The following KHDRBS2 variants were observed in gnomAD, a reference collection of about 807,000 sequenced individuals.
KHDRBS2 encodes the protein KH RNA binding domain containing, signal transduction associated 2.
Under a neutral mutation model 44.3 loss-of-function variants are expected in KHDRBS2, and 26 were observed. The observed-to-expected ratio is 0.59, with a 90% CI of 0.43 to 0.81. The LOEUF (loss-of-function observed/expected upper bound fraction) is 0.81, where lower values mean the gene tolerates loss of function less well. KHDRBS2 is among the 40% of genes least tolerant of loss of function. The pLI, the probability that KHDRBS2 is intolerant of heterozygous loss-of-function variation, is 0.00. For synonymous variants in KHDRBS2, 194 were observed against 151.1 expected (o/e 1.28, Z -2.08); for missense variants, 476 against 433.1 (o/e 1.10, Z -0.88).
intron 2 of KHDRBS2, among the ~76,000 whole-genome samples, chr6:62,062,803 A>T (rs1792332734): frequency 6.7e-6 from 1 of 148,226 alleles, no homozygotes; most frequent in Non-Finnish European, 1.5e-5. Flanking sequence ...GGAAATAGAG[A>T]CACAAAAAAC....
At chr6:61,951,105 T>C in intron 4 of KHDRBS2, among the ~76,000 whole-genome samples, 1 of 152,068 alleles carries the variant, frequency 6.6e-6, no homozygotes, top group East Asian at 1.9e-4. Context: ...TATGGTTCTA[T>C]AAATACTTTC....
intron 3 of KHDRBS2, among the ~76,000 whole-genome samples, chr6:62,020,190 C>T (rs1781994849): frequency 1.3e-5 from 2 of 151,830 alleles, no homozygotes. Context: ...TAGAAGTGTA[C>T]TATTTAATTG....
chr6:61,996,908 G>A (rs1168180588), intron 3 of KHDRBS2, among the ~76,000 whole-genome samples: 2 of 151,104 alleles, frequency 1.3e-5, no homozygotes, highest in Non-Finnish European at 2.9e-5. Flanking sequence ...TCAGCCTCTG[G>A]AGTAGCTGTG....
chr6:61,901,149 T>C (rs1435251103), intron 5 of KHDRBS2, 95 bp downstream of exon 5: 1 of 1,158,826 alleles, frequency 8.6e-7, no homozygotes, highest in African/African-American at 1.6e-5. Context: ...TTGTGGCTGA[T>C]GTTGTTGTTT....
chr6:61,873,434 AAAC>A (rs748254021), intron 6 of KHDRBS2, among the ~76,000 whole-genome samples: 4 of 152,004 alleles, frequency 2.6e-5, no homozygotes, highest in Non-Finnish European at 5.9e-5. Flanking sequence ...ATGTTAATTA[AAAC>A]AATAATAACA....
the KHDRBS2 span, chr6:61,574,487 A>G: frequency 2.6e-6 from 3 of 1,134,930 alleles, no homozygotes; most frequent in Non-Finnish European, 2.4e-6. Flanking sequence ...AACCTACCAA[A>G]CCTGCATTAA....
At chr6:61,658,196 C>T in the KHDRBS2 span, among the ~76,000 whole-genome samples, 2 of 151,612 alleles carry the variant, frequency 1.3e-5, no homozygotes, top group South Asian at 4.1e-4. Context: ...AATATAAATA[C>T]TATAATATAC....
chr6:62,065,108 G>A (rs902871711), intron 2 of KHDRBS2, among the ~76,000 whole-genome samples: 2 of 151,896 alleles, frequency 1.3e-5, no homozygotes, highest in Non-Finnish European at 2.9e-5. Flanking sequence ...AGTTAGAATG[G>A]CAATCATTAA....
intron 3 of KHDRBS2, among the ~76,000 whole-genome samples, chr6:61,982,833 T>C (rs1774142948): frequency 6.6e-6 from 1 of 152,188 alleles, no homozygotes; most frequent in South Asian, 2.1e-4. Flanking sequence ...TAATTTGTTA[T>C]GGCCTTTGTT....
At chr6:62,003,991 C>A (rs562451299) in intron 3 of KHDRBS2, among the ~76,000 whole-genome samples, 2 of 152,254 alleles carry the variant, frequency 1.3e-5, no homozygotes, top group East Asian at 3.9e-4. Context: ...ATCTCTGGGA[C>A]ACATTTAAAG....
intron 6 of KHDRBS2, among the ~76,000 whole-genome samples, chr6:61,778,418 A>C: frequency 6.6e-6 from 1 of 152,106 alleles, no homozygotes. Context: ...AGAGGTGATA[A>C]TTTACCCAAA....
At chr6:61,711,879 A>T (rs933581147) in intron 7 of KHDRBS2, among the ~76,000 whole-genome samples, 13 of 151,890 alleles carry the variant, frequency 8.6e-5, no homozygotes, top group African/African-American at 2.9e-4. Flanking sequence ...GTAATGCTGC[A>T]TAACAAACAA....
chr6:61,925,791 C>T (rs745860307), intron 4 of KHDRBS2, among the ~76,000 whole-genome samples: 8 of 150,084 alleles, frequency 5.3e-5, no homozygotes, highest in Non-Finnish European at 1.0e-4. Flanking sequence ...TAAAGATTAA[C>T]ATGTAAGTAT....
chr6:61,661,372 C>T, the KHDRBS2 span: 4 of 151,768 alleles, frequency 2.6e-5, no homozygotes, highest in South Asian at 2.1e-4. Context: ...CACCTACAGT[C>T]CCAGATGAGC....
chr6:62,116,474 T>C (rs536513406), intron 2 of KHDRBS2, among the ~76,000 whole-genome samples: 15 of 152,242 alleles, frequency 9.9e-5, no homozygotes, highest in Middle Eastern at 3.4e-3. Context: ...TTTTGTCAAT[T>C]TGTAACTGAT....
At chr6:62,004,966 G>A (rs1220702669) in intron 3 of KHDRBS2, among the ~76,000 whole-genome samples, 1 of 151,978 alleles carries the variant, frequency 6.6e-6, no homozygotes, top group Non-Finnish European at 1.5e-5. Flanking sequence ...TTCAACAGCT[G>A]TTCATGCTAA....
chr6:62,066,504 G>A (rs901344278), intron 2 of KHDRBS2, among the ~76,000 whole-genome samples: 1 of 151,626 alleles, frequency 6.6e-6, no homozygotes, highest in African/African-American at 2.4e-5. Flanking sequence ...TATTGCATGA[G>A]ATGAAATATT....
chr6:61,957,283 T>C (rs1767584274), intron 4 of KHDRBS2, among the ~76,000 whole-genome samples: 1 of 152,126 alleles, frequency 6.6e-6, no homozygotes, highest in African/African-American at 2.4e-5. Flanking sequence ...TTGAACAATA[T>C]GAAATCTGGG....
chr6:62,075,315 C>T (rs967478546), intron 2 of KHDRBS2, among the ~76,000 whole-genome samples: 1 of 151,828 alleles, frequency 6.6e-6, no homozygotes, highest in Non-Finnish European at 1.5e-5. Context: ...AAAGAAAATG[C>T]CATTTATGAA....
Sources: allele counts gnomAD v4.1 joint callset (sites outside exome capture counted in the v4.1 genomes callset), GRCh38; gene constraint gnomAD v4.1.1; transcripts MANE v1.5; gene names NCBI Gene and HGNC (gene_info 2026-07-23, HGNC 2026-07-21).